The following SYT1 variants were observed in gnomAD, a reference collection of about 807,000 sequenced individuals.
The protein encoded by SYT1 is synaptotagmin-1.
In SYT1, 8 loss-of-function variants were observed where a neutral mutation model predicts 44.8. The observed-to-expected ratio is 0.18, with a 90% CI of 0.10 to 0.32. The LOEUF (loss-of-function observed/expected upper bound fraction) is 0.32, where lower values mean the gene tolerates loss of function less well. Ranked by LOEUF, SYT1 falls within the 10% of genes least tolerant of loss-of-function variation. The pLI is 1.00. For synonymous variants in SYT1, 154 were observed against 188.8 expected (o/e 0.82, Z 1.51); for missense variants, 286 against 509.3 (o/e 0.56, Z 4.22).
chr12:79,086,717 A>C (rs539332967), intron 3 of SYT1, among the ~76,000 whole-genome samples: 7 of 152,136 alleles, frequency 4.6e-5, no homozygotes, highest in Non-Finnish European at 1.0e-4. Context: ...GGGGTTGTCA[A>C]ATATCATTGG....
intron 8 of SYT1, among the ~76,000 whole-genome samples, chr12:79,348,960 AAAG>A (rs1176789025): frequency 2.1e-4 from 31 of 150,372 alleles, no homozygotes; most frequent in African/African-American, 5.4e-4. Flanking sequence ...GAAAAAAAGA[AAAG>A]AAAGAAAAAG....
chr12:79,229,422 T>C (rs1424699942), intron 4 of SYT1, among the ~76,000 whole-genome samples: 2 of 152,082 alleles, frequency 1.3e-5, no homozygotes, highest in African/African-American at 4.8e-5. Context: ...ATGTATAAGG[T>C]CTTATTTTAT....
chr12:79,062,056 T>G (rs1875428632), intron 3 of SYT1, among the ~76,000 whole-genome samples: 1 of 152,134 alleles, frequency 6.6e-6, no homozygotes, highest in South Asian at 2.1e-4. Flanking sequence ...GATTAAAGAT[T>G]TTAAGTGTAT....
rs149570128 is a variant in SYT1, at chr12:78,888,017, G to A, written c.-217+22908G>A. Among the ~76,000 whole-genome samples the A allele has an allele frequency of 2.5e-3, 379 of 151,910 alleles. 3 individuals are homozygous for A. Among genetic ancestry groups the A allele is most frequent in the African/African-American group, 8.6e-3 (358 of 41,502 alleles). ...CTATGATAGACAATTTAAAGTAAGA[G>A]ATTTTCAAGTTATAATTAGTAGTGG... is the stretch of plus-strand genomic sequence containing the variant. On this transcript the variant is annotated intron_variant, in intron 1 of 10. Transcript: ENST00000261205.
At chr12:79,019,410 C>G (rs1188778829) in intron 2 of SYT1, among the ~76,000 whole-genome samples, 1 of 151,634 alleles carries the variant, frequency 6.6e-6, no homozygotes, top group East Asian at 1.9e-4. Flanking sequence ...TACTGCAAAA[C>G]CTATAGATGA....
At chr12:79,370,157 T>G (rs1321304526) in intron 9 of SYT1, among the ~76,000 whole-genome samples, 2 of 152,178 alleles carry the variant, frequency 1.3e-5, no homozygotes, top group Admixed American at 1.3e-4. Flanking sequence ...GAATATTGCA[T>G]TCATTTCTGA....
intron 3 of SYT1, among the ~76,000 whole-genome samples, chr12:79,176,081 C>T (rs1852445): frequency 0.73 from 110,144 of 151,736 alleles, 40,640 homozygotes; most frequent in African/African-American, 0.84. Context: ...ACCTGATGTT[C>T]AGAGTTCAAA....
chr12:79,284,142 T>A (rs1879188055), intron 4 of SYT1, among the ~76,000 whole-genome samples: 1 of 152,046 alleles, frequency 6.6e-6, no homozygotes, highest in Non-Finnish European at 1.5e-5. Context: ...TTCTGATTAA[T>A]CTCAATAGCT....
intron 1 of SYT1, among the ~76,000 whole-genome samples, chr12:78,944,152 A>T (rs914217732): frequency 1.3e-4 from 20 of 151,676 alleles, no homozygotes; most frequent in Non-Finnish European, 2.1e-4. Flanking sequence ...ACGCTAAAAG[A>T]TGCTTAATGT....
chr12:78,868,617 G>A (rs559723299), intron 1 of SYT1: 124 of 151,788 alleles, frequency 8.2e-4, no homozygotes, highest in African/African-American at 2.6e-3. Flanking sequence ...TATATATTCC[G>A]AAATTATCTA....
chr12:79,389,461 C>T (rs1327839567), intron 9 of SYT1, among the ~76,000 whole-genome samples: 1 of 152,158 alleles, frequency 6.6e-6, no homozygotes, highest in Non-Finnish European at 1.5e-5. Flanking sequence ...GAATCAGGCA[C>T]TGTGCTAAGA....
intron 2 of SYT1, among the ~76,000 whole-genome samples, chr12:79,002,400 G>A (rs577958926): frequency 1.6e-4 from 24 of 151,692 alleles, no homozygotes; most frequent in Middle Eastern, 3.4e-3. Context: ...GAATAACAGC[G>A]CACTTGTGAT....
intron 1 of SYT1, among the ~76,000 whole-genome samples, chr12:78,948,149 A>C (rs1404667851): frequency 6.6e-6 from 1 of 151,738 alleles, no homozygotes; most frequent in Non-Finnish European, 1.5e-5. Flanking sequence ...TTTTAAAGTC[A>C]ATATTACTAT....
intron 9 of SYT1, among the ~76,000 whole-genome samples, chr12:79,356,072 C>T (rs574825301): frequency 5.3e-5 from 8 of 151,496 alleles, no homozygotes; most frequent in South Asian, 2.1e-4. Flanking sequence ...GTGGCATTTC[C>T]GCAACAACCT....
At chr12:79,252,323 A>G (rs1877265333) in intron 4 of SYT1, among the ~76,000 whole-genome samples, 1 of 152,176 alleles carries the variant, frequency 6.6e-6, no homozygotes, top group Non-Finnish European at 1.5e-5. Flanking sequence ...TTTAAGGATT[A>G]TTATCATCAT....
At chr12:78,971,717 A>G (rs183484612) in intron 1 of SYT1, among the ~76,000 whole-genome samples, 4 of 152,314 alleles carry the variant, frequency 2.6e-5, no homozygotes, top group Admixed American at 2.6e-4. Context: ...ATAAAGTCTT[A>G]TGATGGCTTG....
Position 79,132,588 on chromosome 12 carries a change from G to T in SYT1, c.-17-84915G>T, listed in dbSNP as rs555632415. 1.5e-4 allele frequency among the ~76,000 whole-genome samples: 23 copies of T among 150,410 alleles called. 1 individual carries two copies. In the South Asian group the frequency reaches 4.6e-3, roughly 30 times the overall value. On this transcript the variant is annotated intron_variant, in intron 3 of 10. Coordinates refer to ENST00000261205, the MANE Select transcript of SYT1 (RefSeq NM_005639.3). The stretch of plus-strand genomic sequence containing the variant: ...CTGTTATCAAAAAGACAATAACAAG[G>T]GCTGGTGAGGATGTGGAACTCTCAT...
intron 9 of SYT1, among the ~76,000 whole-genome samples, chr12:79,396,122 T>C (rs149874198): frequency 1.6e-4 from 25 of 152,304 alleles, no homozygotes; most frequent in African/African-American, 5.1e-4. Flanking sequence ...GAGTGAGGTA[T>C]TTAGTATGCT....
intron 1 of SYT1, among the ~76,000 whole-genome samples, chr12:78,970,306 AG>A (rs1429500744): frequency 6.6e-6 from 1 of 152,240 alleles, no homozygotes; most frequent in Non-Finnish European, 1.5e-5. Context: ...AAATGAACAC[AG>A]GACCAAGTGA....
Sources: allele counts gnomAD v4.1 joint callset (sites outside exome capture counted in the v4.1 genomes callset), GRCh38; gene constraint gnomAD v4.1.1; transcripts MANE v1.5; gene names NCBI Gene and HGNC (gene_info 2026-07-23, HGNC 2026-07-21).